Variants in STON1 observed in about 807,000 individuals in gnomAD.
STON1 encodes stonin-1.
STON1 carries 79 observed loss-of-function variants against 60.9 expected under a neutral mutation model. The observed-to-expected ratio is 1.30, with a 90% CI of 1.08 to 1.56. STON1 has a LOEUF of 1.56. Ranked by LOEUF, STON1 falls within the 40% of genes most tolerant of loss-of-function variation. The pLI is 0.00. For missense variants in STON1, 1,166 were observed against 858.9 expected (o/e 1.36, Z -4.47); for synonymous variants, 363 against 306.9 (o/e 1.18, Z -1.91).
chr2:48,597,866 G>T lies in STON1; in HGVS notation c.*2564G>T, dbSNP rs1244350017. The T allele has an allele frequency of 2.0e-5, 3 of 152,326 alleles. No individual in the cohort carries two copies. In the East Asian group the frequency reaches 5.8e-4, roughly 29 times the overall value. The allele number at this position is 152,326 out of a possible 1,614,324, so 9.4% of individuals were successfully genotyped here. ...TACAGAACTCTAGGTGAAAAATCAG[G>T]TAGGGTTCAAATTAAGTAGAACTGC... On this transcript the variant is annotated 3_prime_UTR_variant, in exon 4 of 4. Transcript: ENST00000404752.
chr2:48,554,717 T>C (rs1226857551), intron 1 of STON1, among the ~76,000 whole-genome samples: 1 of 58,294 alleles, frequency 1.7e-5, no homozygotes, highest in Non-Finnish European at 3.8e-5. Context: ...ATTTTTTTTT[T>C]TTTTTTTTAT....
intron 1 of STON1, among the ~76,000 whole-genome samples, chr2:48,574,961 C>G (rs893855278): frequency 2.6e-5 from 4 of 152,234 alleles, no homozygotes; most frequent in African/African-American, 4.8e-5. Flanking sequence ...CAGCAAATCT[C>G]TAGAACCTTT....
rs1343749279 is a variant in STON1 at position 48,557,218 on chromosome 2, C to T, written c.-47-23369C>T. Among the ~76,000 whole-genome samples, 2 of 69,662 alleles carry T rather than the reference C, an allele frequency of 2.9e-5. 1 individual carries two copies. Among genetic ancestry groups the T allele is most frequent in the African/African-American group, 1.1e-4 (2 of 17,898 alleles). The allele number at this position is 69,662 out of a possible 152,430, so 45.7% of individuals were successfully genotyped here. ...GCGGAGGGGCTCCTCACTTCTCAGA[C>T]GGGGTGGTTGCCAGGCAGAGGGTCT... On this transcript the variant is annotated intron_variant, in intron 1 of 3. Transcript: ENST00000404752.
At chr2:48,552,409 T>A (rs560110295) in intron 1 of STON1, among the ~76,000 whole-genome samples, 31 of 152,168 alleles carry the variant, frequency 2.0e-4, no homozygotes, top group African/African-American at 7.2e-4. Context: ...TGAAAAAGTT[T>A]TAGAGGTGGA....
At chr2:48,558,402 C>T (rs1256961713) in intron 1 of STON1, among the ~76,000 whole-genome samples, 1 of 152,178 alleles carries the variant, frequency 6.6e-6, no homozygotes, top group Admixed American at 6.5e-5. Flanking sequence ...GTGATGTGGA[C>T]ATTTCCAGGT....
intron 1 of STON1, among the ~76,000 whole-genome samples, chr2:48,563,686 G>A (rs1672702586): frequency 7.4e-6 from 1 of 134,306 alleles, no homozygotes; most frequent in South Asian, 2.6e-4. Flanking sequence ...TTGTTTGTTT[G>A]TTTGTTTTTG....
intron 1 of STON1, among the ~76,000 whole-genome samples, chr2:48,536,309 A>C (rs989752300): frequency 1.3e-5 from 2 of 152,168 alleles, no homozygotes; most frequent in Non-Finnish European, 2.9e-5. Context: ...GCACTTTGGG[A>C]GGCCAAGGTG....
In STON1 at chr2:48,557,380, G is replaced by T. The variant is rs866422507; in HGVS notation, c.-47-23207G>T. ...GCTCCCCACATCTCAGACGATGGGC[G>T]GCCGAGCAGAGAGGCTCCTCACTTC... On this transcript the variant is annotated intron_variant, in intron 1 of 3. Coordinates refer to ENST00000404752, the MANE Select transcript of STON1 (RefSeq NM_006873.4). Among the ~76,000 whole-genome samples, 265 of 105,780 alleles carry T rather than the reference G, an allele frequency of 2.5e-3. 19 individuals are homozygous for T. The highest frequency in any genetic ancestry group is 4.8e-3 in the Middle Eastern group (1 of 210). The allele number at this position is 105,780 out of a possible 152,430, so 69.4% of individuals were successfully genotyped here.
At chr2:48,537,506 G>T (rs185333790) in intron 1 of STON1, among the ~76,000 whole-genome samples, 7 of 152,164 alleles carry the variant, frequency 4.6e-5, no homozygotes, top group Admixed American at 4.6e-4. Flanking sequence ...TTTTACTTTG[G>T]ATTTTTGCAA....
chr2:48,575,030 C>G (rs533151587), intron 1 of STON1, among the ~76,000 whole-genome samples: 33 of 152,336 alleles, frequency 2.2e-4, no homozygotes, highest in African/African-American at 7.0e-4. Context: ...TTTACCTACT[C>G]CCAGTTCCTG....
At chr2:48,533,064 G>T (rs1424517885) in intron 1 of STON1, among the ~76,000 whole-genome samples, 1 of 152,044 alleles carries the variant, frequency 6.6e-6, no homozygotes, top group African/African-American at 2.4e-5. Context: ...ACCAGACTGG[G>T]CAACAAAGTG....
intron 1 of STON1, among the ~76,000 whole-genome samples, chr2:48,575,975 C>G (rs1439612807): frequency 2.6e-5 from 4 of 151,312 alleles, no homozygotes; most frequent in African/African-American, 9.7e-5. Flanking sequence ...CTAGGCTGGT[C>G]TTGAACTCCT....
intron 1 of STON1, among the ~76,000 whole-genome samples, chr2:48,560,525 C>T (rs1377105475): frequency 6.6e-6 from 1 of 152,194 alleles, no homozygotes; most frequent in African/African-American, 2.4e-5. Context: ...AGGTCTTTGC[C>T]TGAACGAAGC....
chr2:48,557,962 C>A (rs1321504035), intron 1 of STON1, among the ~76,000 whole-genome samples: 1 of 152,182 alleles, frequency 6.6e-6, no homozygotes, highest in African/African-American at 2.4e-5. Context: ...GTGGCTCATG[C>A]CTGTAATCCC....
At chr2:48,576,116 A>G (rs1673480959) in intron 1 of STON1, among the ~76,000 whole-genome samples, 1 of 149,962 alleles carries the variant, frequency 6.7e-6, no homozygotes, top group Non-Finnish European at 1.5e-5. Flanking sequence ...GCACCACTTT[A>G]CATTGCCAGC....
intron 1 of STON1, among the ~76,000 whole-genome samples, chr2:48,560,522 T>C (rs1224966901): frequency 6.6e-6 from 1 of 152,204 alleles, no homozygotes; most frequent in Admixed American, 6.5e-5. Context: ...TGCAGGTCTT[T>C]GCCTGAACGA....
intron 1 of STON1, among the ~76,000 whole-genome samples, chr2:48,538,470 A>G (rs1671518648): frequency 6.6e-6 from 1 of 152,070 alleles, no homozygotes; most frequent in Non-Finnish European, 1.5e-5. Flanking sequence ...TGATCCATTC[A>G]TGTGTTCTTG....
At position 48,581,172 on chromosome 2, in the gene STON1, G is replaced by C; in HGVS notation, c.539G>C (p.Cys180Ser). Reference protein sequence around the residue: ...LPQFQYFREDCAFSSPFWKDE... With the variant: ...LPQFQYFREDSAFSSPFWKDE... ...CAGTTTCAGTATTTTCGAGAGGACT[G>C]TGCTTTTTCAAGTCCATTTTGGAAA... Residue 180 changes from cysteine (C) to serine (S), a missense_variant, in exon 2 of 4, where the codon TGT (cysteine) becomes TCT (serine). Transcript: ENST00000404752. 1.3e-6 allele frequency: 2 copies of C among 1,542,186 alleles called. No homozygotes were observed. Among genetic ancestry groups the C allele is most frequent in the Non-Finnish European group, 1.7e-6 (2 of 1,151,590 alleles).
chr2:48,577,630 G>A (rs564654861), intron 1 of STON1, among the ~76,000 whole-genome samples: 41 of 150,396 alleles, frequency 2.7e-4, no homozygotes, highest in Non-Finnish European at 4.1e-4. Context: ...TTTGTTTTTT[G>A]TAGGGGAGGA....
Sources: allele counts gnomAD v4.1 joint callset (sites outside exome capture counted in the v4.1 genomes callset), GRCh38; gene constraint gnomAD v4.1.1; transcripts MANE v1.5; gene names NCBI Gene and HGNC (gene_info 2026-07-23, HGNC 2026-07-21).